STXBP6: variants seen among roughly 807,000 people sequenced by gnomAD.
STXBP6 encodes syntaxin binding protein 6.
Under a neutral mutation model 26.9 loss-of-function variants are expected in STXBP6, and 21 were observed. That is an observed-to-expected ratio of 0.78 (90% CI 0.55 to 1.12). The LOEUF is 1.12. Ranked by LOEUF, STXBP6 falls within the 50% of genes most tolerant of loss-of-function variation. The pLI, the probability that STXBP6 is intolerant of heterozygous loss-of-function variation, is 0.00. For synonymous variants in STXBP6, 97 were observed against 92.6 expected (o/e 1.05, Z -0.27); for missense variants, 232 against 257.9 (o/e 0.90, Z 0.69).
rs2070555713 is a variant in STXBP6, at chr14:24,885,675, T to C, written c.155-28518A>G. On this transcript the variant is annotated intron_variant, in intron 2 of 5. Transcript: ENST00000323944. ...ATTGTCTCAGTTATCAGCTCAACGT[T>C]TGCCTTCTCCCTGAAATCCTCCTCA... is the stretch of plus-strand genomic sequence containing the variant. Among the ~76,000 whole-genome samples the C allele has an allele frequency of 2.0e-5, 3 of 152,248 alleles. 1 individual carries two copies. In the South Asian group the frequency reaches 6.2e-4, roughly 32 times the overall value.
chr14:24,849,308 T>C (rs926668965), intron 4 of STXBP6, among the ~76,000 whole-genome samples: 2 of 152,168 alleles, frequency 1.3e-5, no homozygotes, highest in African/African-American at 4.8e-5. Context: ...TAAGTCTGTG[T>C]GTGTACATGA....
Position 25,049,895 on chromosome 14 carries a change from G to T in STXBP6, c.-50C>A. The T allele has an allele frequency of 1.0e-6, 1 of 983,730 alleles. No individual in the cohort carries two copies. Among genetic ancestry groups the T allele is most frequent in the Non-Finnish European group, 1.2e-6 (1 of 828,522 alleles). 60.9% of individuals were successfully genotyped at this position (983,730 alleles called of 1,614,324 possible). A position where few individuals can be genotyped will look rare whatever the true frequency, so the allele number is the denominator to read the frequency against. On this transcript the variant is annotated 5_prime_UTR_variant, in exon 1 of 6. Transcript: ENST00000323944. This position sits in a 1 kb window ranked among gnomAD's most constrained non-coding sequence, Gnocchi z 5.6. ...GGTCCTACCGTGCAGCCTGGCTCGCGCCCCTGCCGTGCCAGTGCGCGGCAC... is the reference window on the plus strand; with the variant it reads ...GGTCCTACCGTGCAGCCTGGCTCGCTCCCCTGCCGTGCCAGTGCGCGGCAC...
chr14:25,006,746 C>T (rs1052518488), intron 1 of STXBP6, among the ~76,000 whole-genome samples: 1 of 152,136 alleles, frequency 6.6e-6, no homozygotes, highest in Non-Finnish European at 1.5e-5. Flanking sequence ...TTCCTTGAGG[C>T]CCTCAATGAT....
chr14:25,002,613 C>T (rs919745844), intron 1 of STXBP6, among the ~76,000 whole-genome samples: 2 of 152,100 alleles, frequency 1.3e-5, no homozygotes, highest in Non-Finnish European at 2.9e-5. Flanking sequence ...TGTGCCTCGG[C>T]CTCTCAAAGT....
intron 2 of STXBP6, among the ~76,000 whole-genome samples, chr14:24,930,402 A>T (rs1035247936): frequency 6.6e-6 from 1 of 152,212 alleles, no homozygotes; most frequent in African/African-American, 2.4e-5. Context: ...ATTATAACAG[A>T]TTTTATGAAC....
intron 4 of STXBP6, among the ~76,000 whole-genome samples, chr14:24,831,662 C>T (rs2068456855): frequency 6.6e-6 from 1 of 152,038 alleles, no homozygotes; most frequent in Non-Finnish European, 1.5e-5. Context: ...ATTTATTGTA[C>T]TCTTTGATTT....
intron 1 of STXBP6, among the ~76,000 whole-genome samples, chr14:25,005,844 A>G (rs2074882644): frequency 6.6e-6 from 1 of 152,178 alleles, no homozygotes; most frequent in Non-Finnish European, 1.5e-5. Flanking sequence ...AAGAAAATTC[A>G]ACATGTAAAA....
chr14:24,828,954 T>C (rs1026555655), intron 4 of STXBP6, among the ~76,000 whole-genome samples: 10 of 152,182 alleles, frequency 6.6e-5, no homozygotes, highest in South Asian at 2.1e-4. Flanking sequence ...GTGAAGAATA[T>C]AGGCTTAAAC....
chr14:24,841,570 A>G (rs1433988175), intron 4 of STXBP6, among the ~76,000 whole-genome samples: 1 of 152,158 alleles, frequency 6.6e-6, no homozygotes, highest in Non-Finnish European at 1.5e-5. Flanking sequence ...ATCTTGTTCT[A>G]TCTTCCATGT....
intron 2 of STXBP6, among the ~76,000 whole-genome samples, chr14:24,935,212 A>G (rs1353425363): frequency 6.6e-6 from 1 of 152,214 alleles, no homozygotes; most frequent in East Asian, 1.9e-4. Context: ...GCTTCTCATA[A>G]CAATAAGCCA....
intron 1 of STXBP6, among the ~76,000 whole-genome samples, chr14:25,033,679 A>C (rs1175376292): frequency 6.6e-6 from 1 of 152,166 alleles, no homozygotes; most frequent in African/African-American, 2.4e-5. Flanking sequence ...TCCTTAGGAA[A>C]CTGCCCTAAT....
Position 25,038,731 on chromosome 14 carries a change from G to A in STXBP6, c.-33+11147C>T, listed in dbSNP as rs560812037. On this transcript the variant is annotated intron_variant, in intron 1 of 5. Coordinates refer to ENST00000323944, the MANE Select transcript of STXBP6 (RefSeq NM_001394410.1). ...TGGGCACTAGGCTTAGTACGTGGACGACAAAATAATCTGTACAACACAGTC... is the reference window on the plus strand; with the variant it reads ...TGGGCACTAGGCTTAGTACGTGGACAACAAAATAATCTGTACAACACAGTC... Among the ~76,000 whole-genome samples the A allele has an allele frequency of 5.3e-5, 8 of 151,952 alleles. No homozygotes were observed. In the South Asian group the frequency reaches 1.7e-3, roughly 32 times the overall value.
intron 2 of STXBP6, among the ~76,000 whole-genome samples, chr14:24,897,502 G>C (rs565925406): frequency 1.3e-5 from 2 of 151,468 alleles, no homozygotes; most frequent in Non-Finnish European, 2.9e-5. Context: ...ATGAAGTCAG[G>C]TTACTTACAG....
chr14:24,834,459 A>T (rs529912745), intron 4 of STXBP6, among the ~76,000 whole-genome samples: 3 of 152,204 alleles, frequency 2.0e-5, no homozygotes, highest in Non-Finnish European at 4.4e-5. Context: ...AAAGATCCTT[A>T]GATATTGAGG....
intron 2 of STXBP6, among the ~76,000 whole-genome samples, chr14:24,869,874 G>A (rs1002543516): frequency 2.0e-5 from 3 of 152,142 alleles, no homozygotes; most frequent in African/African-American, 7.2e-5. Context: ...ACTAAAAGTG[G>A]TCCCTAAACT....
intron 1 of STXBP6, among the ~76,000 whole-genome samples, chr14:25,030,076 G>T (rs1367994904): frequency 2.6e-5 from 4 of 152,140 alleles, no homozygotes; most frequent in Non-Finnish European, 5.9e-5. Flanking sequence ...TAAGAAGCTG[G>T]ATCTTTCAGG....
intron 2 of STXBP6, among the ~76,000 whole-genome samples, chr14:24,945,291 A>G (rs2072948230): frequency 6.6e-6 from 1 of 151,874 alleles, no homozygotes; most frequent in African/African-American, 2.4e-5. Flanking sequence ...GGACCACACC[A>G]AAAAACACTA....
Position 25,049,707 on chromosome 14 carries a change from G to A in STXBP6, c.-33+171C>T, listed in dbSNP as rs2140537476. On this transcript the variant is annotated intron_variant, in intron 1 of 5. Transcript: ENST00000323944. The surrounding 1 kb of genome is among the most constrained non-coding windows in gnomAD (Gnocchi z 5.6). ...GCCGGGGCGCGCGGCCCCCTCTCCC[G>A]CCACCCGCCAACTTGGAAGAATCTC... 6.1e-6 allele frequency: 6 copies of A among 985,606 alleles called. No individual in the cohort carries two copies. Among genetic ancestry groups the A allele is most frequent in the Non-Finnish European group, 7.2e-6 (6 of 830,150 alleles). The allele number at this position is 985,606 out of a possible 1,614,324, so 61.1% of individuals were successfully genotyped here.
At chr14:24,928,927 A>G (rs753823865) in intron 2 of STXBP6, among the ~76,000 whole-genome samples, 3 of 151,176 alleles carry the variant, frequency 2.0e-5, no homozygotes, top group Non-Finnish European at 4.4e-5. Context: ...GGAAATTTCC[A>G]TTAAAACCCA....
Sources: allele counts gnomAD v4.1 joint callset (sites outside exome capture counted in the v4.1 genomes callset), GRCh38; gene constraint gnomAD v4.1.1; non-coding constraint Gnocchi (gnomAD v3.1); transcripts MANE v1.5; gene names NCBI Gene and HGNC (gene_info 2026-07-23, HGNC 2026-07-21).